ABCA6: variants seen among roughly 807,000 people sequenced by gnomAD.
ABCA6 encodes the protein ATP binding cassette subfamily A member 6.
ABCA6 carries 164 observed loss-of-function variants against 191.2 expected under a neutral mutation model. The ratio of observed to expected loss-of-function variants is 0.86; its 90% CI spans 0.76 to 0.98. ABCA6 has a LOEUF of 0.98. ABCA6 is among the 50% of genes least tolerant of loss of function. The probability of loss-of-function intolerance (pLI) is 0.00; values close to 1 mark genes in which losing one functional copy is unlikely to be tolerated. For synonymous variants in ABCA6, 636 were observed against 647.7 expected (o/e 0.98, Z 0.27); for missense variants, 1,958 against 1,894.1 (o/e 1.03, Z -0.63).
chr17:69,085,520 A>C (rs1179318652), intron 31 of ABCA6, 105 bp downstream of exon 31: 1 of 71,256 alleles, frequency 1.4e-5, no homozygotes, highest in Non-Finnish European at 2.1e-5. Flanking sequence ...ATCCAAAGGC[A>C]AAAAAAAAAA....
intron 8 of ABCA6, among the ~76,000 whole-genome samples, chr17:69,125,308 A>G (rs2073730415): frequency 6.6e-6 from 1 of 151,922 alleles, no homozygotes; most frequent in South Asian, 2.1e-4. Flanking sequence ...AAATCATTGC[A>G]GTATTACAAA....
intron 15 of ABCA6, 69 bp from the exon 16 acceptor site, chr17:69,112,342 G>A (rs929197589): frequency 2.6e-5 from 32 of 1,242,512 alleles, no homozygotes; most frequent in Non-Finnish European, 3.1e-5. Context: ...AAAGAAAGAC[G>A]AGGAGCCAAG....
At chr17:69,138,382 A>G (rs952526885) in intron 2 of ABCA6, among the ~76,000 whole-genome samples, 2 of 152,114 alleles carry the variant, frequency 1.3e-5, no homozygotes, top group Non-Finnish European at 2.9e-5. Flanking sequence ...GAGGTCCTTC[A>G]CGTCCCTTGT....
intron 20 of ABCA6, chr17:69,104,795 C>A (rs1490070725): frequency 1.3e-5 from 2 of 151,640 alleles, no homozygotes; most frequent in Non-Finnish European, 2.9e-5. Context: ...ATGGCAAAAC[C>A]CCATCTCTAC....
intron 11 of ABCA6, among the ~76,000 whole-genome samples, chr17:69,117,053 G>GA (rs2073550816): frequency 6.6e-6 from 1 of 151,792 alleles, no homozygotes; most frequent in Non-Finnish European, 1.5e-5. Flanking sequence ...ATTAAAGAAA[G>GA]AAATCACAGC....
chr17:69,084,382 T>C (rs544800942), intron 33 of ABCA6, 27 bp from the exon 34 acceptor site: 1 of 1,614,082 alleles, frequency 6.2e-7, no homozygotes, highest in East Asian at 2.2e-5. Flanking sequence ...CACCCCTGTT[T>C]GCTGCCATAC....
At chr17:69,117,977 C>A (rs774055927) in intron 10 of ABCA6, 21 bp from the exon 11 acceptor site, 1 of 1,552,542 alleles carries the variant, frequency 6.4e-7, no homozygotes, top group Non-Finnish European at 8.8e-7. Flanking sequence ...AAAAAGGGTG[C>A]TTACTTAGCC....
intron 15 of ABCA6, chr17:69,112,508 A>G (rs2073444094): frequency 2.3e-6 from 1 of 427,678 alleles, no homozygotes; most frequent in Non-Finnish European, 4.2e-6. Flanking sequence ...TTGCAGCAAC[A>G]TGGATGGAAC....
intron 21 of ABCA6, among the ~76,000 whole-genome samples, chr17:69,101,887 T>A (rs2073190029): frequency 6.6e-6 from 1 of 152,226 alleles, no homozygotes; most frequent in South Asian, 2.1e-4. Flanking sequence ...TTACATTTTT[T>A]ATAGCATATT....
intron 14 of ABCA6, 121 bp from the exon 15 acceptor site, chr17:69,113,481 A>G: frequency 6.6e-7 from 1 of 1,521,898 alleles, no homozygotes; most frequent in Non-Finnish European, 8.9e-7. Flanking sequence ...TCTCCAATAT[A>G]CTTCTATTTA....
intron 10 of ABCA6, among the ~76,000 whole-genome samples, chr17:69,122,305 T>C (rs576216057): frequency 6.6e-6 from 1 of 152,224 alleles, no homozygotes; most frequent in African/African-American, 2.4e-5. Context: ...AAATAAACGA[T>C]TGCTATTTAA....
At chr17:69,140,557 G>T in intron 2 of ABCA6, 51 bp downstream of exon 2, 1 of 1,134,326 alleles carries the variant, frequency 8.8e-7, no homozygotes, top group Non-Finnish European at 1.2e-6. Flanking sequence ...AGTAGGTAAT[G>T]AAACACTGTA....
At chr17:69,098,747 G>T (rs1170688795) in intron 22 of ABCA6, among the ~76,000 whole-genome samples, 1 of 151,168 alleles carries the variant, frequency 6.6e-6, no homozygotes, top group Non-Finnish European at 1.5e-5. Context: ...CTTATATAAG[G>T]TTTCTAAACT....
In ABCA6 at chr17:69,086,486, A is replaced by AATATATATAT. The variant is rs68086602; in HGVS notation, c.3937+122_3937+131dup. 6.7e-3 allele frequency: 1,090 copies of AATATATATAT among 163,260 alleles called. 16 individuals carry two copies. The highest frequency in any genetic ancestry group is 0.02 in the East Asian group (91 of 4,588). 10.1% of individuals were successfully genotyped at this position (163,260 alleles called of 1,614,324 possible). On this transcript the variant is annotated intron_variant, in intron 30 of 38. Transcript: ENST00000284425. ...GTCTAAAACACTCCCTGGCACACTA[A>AATATATATAT]ATATATATATATATATATATATATA... is the stretch of plus-strand genomic sequence containing the variant.
intron 3 of ABCA6, among the ~76,000 whole-genome samples, chr17:69,136,618 A>G (rs372279179): frequency 6.6e-6 from 1 of 152,184 alleles, no homozygotes; most frequent in South Asian, 2.1e-4. Flanking sequence ...TGAAGCAAAG[A>G]CAATTTATAT....
At chr17:69,120,727 T>C (rs1240495301) in intron 10 of ABCA6, among the ~76,000 whole-genome samples, 2 of 152,072 alleles carry the variant, frequency 1.3e-5, no homozygotes, top group African/African-American at 4.8e-5. Flanking sequence ...TGTTTCTGGA[T>C]TTTAGACATG....
intron 25 of ABCA6, among the ~76,000 whole-genome samples, chr17:69,092,316 T>C (rs1199985126): frequency 6.6e-6 from 1 of 152,208 alleles, no homozygotes; most frequent in Non-Finnish European, 1.5e-5. Context: ...ATGAATTATT[T>C]AATCCTCACA....
Position 69,100,901 on chromosome 17 carries a change from T to C in ABCA6, c.2908A>G (p.Arg970Gly). The C allele has an allele frequency of 6.2e-6, 10 of 1,604,222 alleles. No individual in the cohort carries two copies. Among genetic ancestry groups the C allele is most frequent in the Non-Finnish European group, 7.7e-6 (9 of 1,172,570 alleles). Residue 970 changes from arginine to glycine, a missense_variant, in exon 22 of 39, where the codon AGA (arginine) becomes GGA (glycine). Transcript: ENST00000284425. ...YRFSVVCNTK[R>G]LHCFPILMNI... ...ATAAGAATTGGAAAACAGTGCAATC[T>C]CTTGGTATTACACACAACTGAAAAT...
Position 69,117,959 on chromosome 17 carries a change from G to T in ABCA6, c.1437-3C>A. 6.3e-7 allele frequency: 1 copy of T among 1,585,046 alleles called. No individual in the cohort carries two copies. Among genetic ancestry groups the T allele is most frequent in the Non-Finnish European group, 8.6e-7 (1 of 1,159,766 alleles). ...ATTCCTTCTTAACATTTCTGATTCT[G>T]AAATAACAAAAAGGGTGCTTACTTA... On this transcript the variant is annotated splice_polypyrimidine_tract_variant and splice_region_variant and intron_variant, in intron 10 of 38. Transcript: ENST00000284425.
Sources: allele counts gnomAD v4.1 joint callset (sites outside exome capture counted in the v4.1 genomes callset), GRCh38; gene constraint gnomAD v4.1.1; transcripts MANE v1.5; gene names NCBI Gene and HGNC (gene_info 2026-07-23, HGNC 2026-07-21).